WDR7: variants seen among roughly 807,000 people sequenced by gnomAD.
WDR7 encodes WD repeat domain 7.
Under a neutral mutation model 169.4 loss-of-function variants are expected in WDR7, and 46 were observed. The observed-to-expected ratio is 0.27, with a 90% confidence interval of 0.21 to 0.35. The LOEUF (loss-of-function observed/expected upper bound fraction) is 0.35, where lower values mean the gene tolerates loss of function less well. Among genes scored for constraint, WDR7 ranks in the 10% least tolerant of loss-of-function variants. The probability of loss-of-function intolerance (pLI) is 1.00; values close to 1 mark genes in which losing one functional copy is unlikely to be tolerated. For synonymous variants in WDR7, 612 were observed against 666.8 expected, an observed-to-expected ratio of 0.92 and a Z score of 1.27; for missense variants, 1,534 against 1,859.3, an observed-to-expected ratio of 0.83 and a Z score of 3.22.
At chr18:56,742,460 G>T (rs1333344108) in intron 14 of WDR7, among the ~76,000 whole-genome samples, 1 of 152,118 alleles carries the variant, frequency 6.6e-6, no homozygotes, top group Non-Finnish European at 1.5e-5. Context: ...TTGAAAATCT[G>T]CTCTTTATGA....
At chr18:56,869,438 ACAG>A (rs2045924114) in intron 20 of WDR7, among the ~76,000 whole-genome samples, 1 of 152,186 alleles carries the variant, frequency 6.6e-6, no homozygotes. Flanking sequence ...GGGAAGTAAC[ACAG>A]CAGCAACACC....
At chr18:56,758,787 GAA>G in intron 15 of WDR7, 76 bp from the exon 16 acceptor site, 1 of 1,097,646 alleles carries the variant, frequency 9.1e-7, no homozygotes, top group South Asian at 1.9e-5. Context: ...TTTAGAAGTA[GAA>G]AATTTTTTAT....
At chr18:56,834,396 T>C (rs2045363502) in intron 20 of WDR7, among the ~76,000 whole-genome samples, 1 of 152,130 alleles carries the variant, frequency 6.6e-6, no homozygotes. Context: ...CTTAGAATAG[T>C]CTCCCTACAT....
intron 19 of WDR7, among the ~76,000 whole-genome samples, chr18:56,802,064 G>A (rs8090031): frequency 0.12 from 17,560 of 152,114 alleles, 1,471 homozygotes; most frequent in African/African-American, 0.23. Context: ...AAGCAGTTGT[G>A]CCTACCAAGA....
Position 56,880,182 on chromosome 18 carries a change from C to A in WDR7, c.3526+17C>A. 6.2e-7 allele frequency: 1 copy of A among 1,606,672 alleles called. No homozygotes were observed. The highest frequency in any genetic ancestry group is 2.2e-5 in the East Asian group (1 of 44,750). On this transcript the variant is annotated intron_variant, in intron 21 of 27. Coordinates refer to ENST00000254442, the MANE Select transcript of WDR7 (RefSeq NM_015285.3). ...GACATACTTGTAAGTTTTAAAACTT[C>A]TAATGCTGATCTGTTGCTTCTGAAT... is the stretch of plus-strand genomic sequence containing the variant.
rs776728491 is a variant in WDR7, at chr18:56,816,085, G to T, written c.3245G>T (p.Gly1082Val). Residue 1082 changes from glycine (G) to valine (V), a missense_variant, in exon 20 of 28, where the codon GGG becomes GTG. Gly to Val is a moderately radical substitution (Grantham distance 109). Transcript: ENST00000254442. Reference sequence around the variant, plus strand: ...ATCACCACGGCTCCTGATGCCTCAGGGCCTGAAGCAAAAGTCCAGGAGGAA... The same window carrying T: ...ATCACCACGGCTCCTGATGCCTCAGTGCCTGAAGCAAAAGTCCAGGAGGAA... ...QTITTAPDASGPEAKVQEEEH... is the reference protein window; with the variant it reads ...QTITTAPDASVPEAKVQEEEH... The T allele has an allele frequency of 5.0e-6, 8 of 1,613,586 alleles. No homozygotes were observed. In the East Asian group the frequency reaches 1.3e-4, roughly 27 times the overall value.
intron 14 of WDR7, among the ~76,000 whole-genome samples, chr18:56,756,210 C>T (rs952531597): frequency 1.1e-4 from 17 of 152,076 alleles, no homozygotes; most frequent in Non-Finnish European, 1.9e-4. Context: ...CCACGATAAA[C>T]GGATTATTCC....
chr18:56,777,924 T>A (rs958125927), intron 17 of WDR7, among the ~76,000 whole-genome samples: 1 of 152,228 alleles, frequency 6.6e-6, no homozygotes, highest in Non-Finnish European at 1.5e-5. Flanking sequence ...TGGGTCATAT[T>A]TGTTACACTA....
At chr18:56,806,949 A>G (rs570196559) in intron 19 of WDR7, among the ~76,000 whole-genome samples, 3 of 152,120 alleles carry the variant, frequency 2.0e-5, no homozygotes, top group Non-Finnish European at 4.4e-5. Flanking sequence ...ACTCAGATCT[A>G]TCCCACCCTT....
chr18:56,703,581 C>G (rs1356125579), intron 12 of WDR7, among the ~76,000 whole-genome samples: 1 of 152,144 alleles, frequency 6.6e-6, no homozygotes, highest in South Asian at 2.1e-4. Context: ...TCCTTTAACA[C>G]TTAATTCTCT....
intron 22 of WDR7, among the ~76,000 whole-genome samples, chr18:56,933,216 T>C (rs1462529113): frequency 1.3e-5 from 2 of 152,016 alleles, no homozygotes; most frequent in African/African-American, 2.4e-5. Context: ...AGTAACACCT[T>C]CCCTATTATT....
At chr18:56,687,060 C>A in intron 7 of WDR7, 86 bp downstream of exon 7, 4 of 1,280,516 alleles carry the variant, frequency 3.1e-6, no homozygotes, top group Non-Finnish European at 4.3e-6. Flanking sequence ...TAAAGAAGTA[C>A]TTGGTGCAAG....
intron 22 of WDR7, among the ~76,000 whole-genome samples, chr18:56,933,528 AAT>A (rs2046918946): frequency 6.6e-6 from 1 of 152,228 alleles, no homozygotes; most frequent in African/African-American, 2.4e-5. Flanking sequence ...AACCATTATT[AAT>A]ATTGAATAAA....
downstream of WDR7, chr18:57,029,957 G>A (rs990451055): frequency 2.0e-5 from 3 of 152,182 alleles, no homozygotes; most frequent in Admixed American, 6.5e-5. Flanking sequence ...GAGCAGAAGT[G>A]CAGAGGTAAG....
chr18:56,685,783 A>G (rs2025431687), intron 5 of WDR7, among the ~76,000 whole-genome samples, 173 bp from the exon 6 acceptor site: 1 of 152,222 alleles, frequency 6.6e-6, no homozygotes, highest in Non-Finnish European at 1.5e-5. Flanking sequence ...GGCCATCTTT[A>G]TTAACTTGTG....
At chr18:56,935,506 G>A (rs1181908114) in intron 22 of WDR7, among the ~76,000 whole-genome samples, 3 of 152,146 alleles carry the variant, frequency 2.0e-5, no homozygotes, top group African/African-American at 4.8e-5. Flanking sequence ...TTTGTGATAT[G>A]TATTCAGTAC....
chr18:56,842,369 A>G (rs2045499092), intron 20 of WDR7, among the ~76,000 whole-genome samples: 1 of 151,918 alleles, frequency 6.6e-6, no homozygotes, highest in Non-Finnish European at 1.5e-5. Context: ...TCAGGAACCA[A>G]CTCTCAATAA....
intron 20 of WDR7, among the ~76,000 whole-genome samples, chr18:56,830,248 C>A (rs771654171): frequency 1.3e-5 from 2 of 152,134 alleles, no homozygotes; most frequent in African/African-American, 2.4e-5. Flanking sequence ...GTATACGATT[C>A]ATCATAAAAT....
At chr18:56,754,546 A>G (rs2043852675) in intron 14 of WDR7, among the ~76,000 whole-genome samples, 1 of 151,984 alleles carries the variant, frequency 6.6e-6, no homozygotes, top group African/African-American at 2.4e-5. Flanking sequence ...GTATGTGTGC[A>G]CGCGTGTGCG....
Sources: allele counts gnomAD v4.1 joint callset (sites outside exome capture counted in the v4.1 genomes callset), GRCh38; gene constraint gnomAD v4.1.1; transcripts MANE v1.5; gene names NCBI Gene and HGNC (gene_info 2026-07-23, HGNC 2026-07-21).